STAC: variants seen among roughly 807,000 people sequenced by gnomAD.
STAC encodes SH3 and cysteine rich domain, also known as SH3 and cysteine-rich domain-containing protein.
A neutral mutation model predicts 48.8 loss-of-function variants in STAC; 43 were observed. That is an observed-to-expected ratio of 0.88 (90% CI 0.69 to 1.14). The LOEUF (loss-of-function observed/expected upper bound fraction) is 1.14. STAC is among the 50% of genes most tolerant of loss of function. The probability of loss-of-function intolerance (pLI) is 0.00; values close to 1 mark genes in which losing one functional copy is unlikely to be tolerated. For synonymous variants in STAC, 193 were observed against 179.5 expected, an observed-to-expected ratio of 1.07 and a Z score of -0.60; for missense variants, 497 against 504.0, an observed-to-expected ratio of 0.99 and a Z score of 0.13.
intron 5 of STAC, among the ~76,000 whole-genome samples, chr3:36,486,830 TATC>T (rs1336539522): frequency 1.3e-5 from 2 of 152,342 alleles, no homozygotes; most frequent in East Asian, 3.9e-4. Context: ...TGTGACCTGT[TATC>T]ATCATCTTGT....
chr3:36,453,908 T>C (rs1359138462), intron 2 of STAC, among the ~76,000 whole-genome samples: 2 of 152,196 alleles, frequency 1.3e-5, no homozygotes, highest in Non-Finnish European at 2.9e-5. Flanking sequence ...AATGCACCAA[T>C]TGACACTCTG....
intron 8 of STAC, among the ~76,000 whole-genome samples, chr3:36,509,054 C>T (rs1698472807): frequency 1.3e-5 from 2 of 152,116 alleles, no homozygotes; most frequent in African/African-American, 4.8e-5. Flanking sequence ...GTGGCTAGTA[C>T]CAGTTGTTCC....
Position 36,487,931 on chromosome 3 carries a change from T to C in STAC, c.687+1682T>C, listed in dbSNP as rs145099168. Among the ~76,000 whole-genome samples, 15 of 152,228 alleles carry C rather than the reference T, an allele frequency of 9.9e-5. No homozygotes were observed. The East Asian group carries it at 2.9e-3, about 29-fold the overall frequency. ...TCTTTTACTGAAAGAAGGATAAAAA[T>C]GGTGCTAAATGTGATGAAAATATAC... is the stretch of plus-strand genomic sequence containing the variant. On this transcript the variant is annotated intron_variant, in intron 5 of 10. Coordinates refer to ENST00000273183, the MANE Select transcript of STAC (RefSeq NM_003149.3).
intron 10 of STAC, among the ~76,000 whole-genome samples, chr3:36,543,404 C>T (rs1159400324): frequency 6.6e-6 from 1 of 152,196 alleles, no homozygotes; most frequent in African/African-American, 2.4e-5. Flanking sequence ...ATCTTCAAAA[C>T]TTCTCATCCG....
chr3:36,390,407 T>C (rs1053965444), intron 1 of STAC, among the ~76,000 whole-genome samples: 8 of 151,844 alleles, frequency 5.3e-5, no homozygotes, highest in Admixed American at 4.6e-4. Context: ...TTGTTTCAGA[T>C]GACTTTTTGG....
intron 6 of STAC, among the ~76,000 whole-genome samples, chr3:36,495,057 A>G (rs568875971): frequency 2.0e-5 from 3 of 152,246 alleles, no homozygotes; most frequent in East Asian, 1.9e-4. Context: ...CGCTGGAAAC[A>G]TTTGGTCCTT....
At chr3:36,422,756 A>G (rs1700477792) in intron 1 of STAC, among the ~76,000 whole-genome samples, 1 of 152,122 alleles carries the variant, frequency 6.6e-6, no homozygotes, top group South Asian at 2.1e-4. Flanking sequence ...TACCTATGTA[A>G]TCAGCAAATA....
intron 2 of STAC, among the ~76,000 whole-genome samples, chr3:36,450,501 T>A (rs553735867): frequency 6.6e-6 from 1 of 152,314 alleles, no homozygotes; most frequent in Admixed American, 6.5e-5. Flanking sequence ...AATAAGGATA[T>A]CTTCACTGTG....
intron 8 of STAC, among the ~76,000 whole-genome samples, chr3:36,520,058 C>T (rs543206750): frequency 4.7e-4 from 71 of 152,226 alleles, no homozygotes; most frequent in East Asian, 2.1e-3. Flanking sequence ...ATATGCCAGA[C>T]GGGACATCCA....
Position 36,380,725 on chromosome 3 carries a change from C to G in STAC, c.82C>G (p.Pro28Ala). 2 of 1,611,846 alleles carry G rather than the reference C, an allele frequency of 1.2e-6. No homozygotes were observed. Among genetic ancestry groups the G allele is most frequent in the Non-Finnish European group, 1.7e-6 (2 of 1,178,950 alleles). ...GGTGGGCGCCGAGCAACCGCCCTCTCCTGCATCCACCAGCAGCCAGGAATC... is the reference window on the plus strand; with the variant it reads ...GGTGGGCGCCGAGCAACCGCCCTCTGCTGCATCCACCAGCAGCCAGGAATC... ...EAVGAEQPPS[P>A]ASTSSQESKL... The change falls in exon 1 of 11, where the codon CCT (proline) becomes GCT (alanine). Residue 28 changes from proline (P) to alanine (A), a missense_variant. By Grantham distance (27) the Pro-to-Ala change is conservative (BLOSUM62 -1). Coordinates refer to ENST00000273183, the MANE Select transcript of STAC (RefSeq NM_003149.3).
intron 8 of STAC, among the ~76,000 whole-genome samples, chr3:36,513,786 C>CT (rs1470362733): frequency 6.6e-6 from 1 of 151,154 alleles, no homozygotes; most frequent in Non-Finnish European, 1.5e-5. Context: ...CCAGTCAGTT[C>CT]TTTTTTGTAT....
chr3:36,446,661 T>C lies in STAC; in HGVS notation c.388+3021T>C, dbSNP rs1266415743. Among the ~76,000 whole-genome samples the C allele has an allele frequency of 2.6e-5, 4 of 152,346 alleles. No homozygotes were observed. In the East Asian group the frequency reaches 7.7e-4, roughly 29 times the overall value. ...TCAACAAGTCAACATGTACTATTAATATAACTAACTCAATGCATGAGTCTA... is the reference window on the plus strand; with the variant it reads ...TCAACAAGTCAACATGTACTATTAACATAACTAACTCAATGCATGAGTCTA... On this transcript the variant is annotated intron_variant, in intron 2 of 10. Transcript: ENST00000273183.
chr3:36,413,486 A>G (rs1164911136), intron 1 of STAC, among the ~76,000 whole-genome samples: 15 of 152,318 alleles, frequency 9.8e-5, no homozygotes, highest in South Asian at 4.1e-4. Context: ...ATCAGAGACT[A>G]GGATTACAAC....
Position 36,417,198 on chromosome 3 carries a change from GAAGGGC to G in STAC, c.112-26165_112-26160del, listed in dbSNP as rs144576198. ...ACTTCCTAAAGCCATGTAGGAGAGG[GAAGGGC>G]CCTCCTTAAAACATGATACCCTGTG... On this transcript the variant is annotated intron_variant, in intron 1 of 10. Transcript: ENST00000273183. 2.1e-3 allele frequency among the ~76,000 whole-genome samples: 313 copies of G among 152,250 alleles called. 3 individuals carry two copies. Among genetic ancestry groups the G allele is most frequent in the African/African-American group, 6.9e-3 (286 of 41,510 alleles).
intron 2 of STAC, among the ~76,000 whole-genome samples, chr3:36,475,832 G>C (rs1013635364): frequency 5.8e-4 from 89 of 152,340 alleles, no homozygotes; most frequent in Middle Eastern, 3.4e-3. Context: ...CAGAGAGAGT[G>C]GCTCCCAGAA....
chr3:36,451,914 C>T (rs1696695074), intron 2 of STAC, among the ~76,000 whole-genome samples: 1 of 152,174 alleles, frequency 6.6e-6, no homozygotes, highest in Non-Finnish European at 1.5e-5. Context: ...ATGGATCCCA[C>T]TTGTTTAGCT....
At chr3:36,452,867 GTGGGGCCTCCTTCCATGAC>G (rs994791617) in intron 2 of STAC, among the ~76,000 whole-genome samples, 4 of 152,244 alleles carry the variant, frequency 2.6e-5, no homozygotes, top group African/African-American at 9.6e-5. Context: ...CCGAAGGCCT[GTGGGGCCTCCTTCCATGAC>G]TGACTCTTCA....
chr3:36,426,167 C>A (rs970975626), intron 1 of STAC, among the ~76,000 whole-genome samples: 1 of 152,254 alleles, frequency 6.6e-6, no homozygotes, highest in African/African-American at 2.4e-5. Context: ...AATTCTCCAA[C>A]ACCTGACAGC....
At chr3:36,489,277 C>T (rs1697902791) in intron 5 of STAC, among the ~76,000 whole-genome samples, 1 of 152,168 alleles carries the variant, frequency 6.6e-6, no homozygotes, top group South Asian at 2.1e-4. Flanking sequence ...ATAGTGAATA[C>T]TCAAGAAATG....
Sources: gnomAD v4.1 joint callset for allele counts (sites outside exome capture counted in the v4.1 genomes callset) on GRCh38, gnomAD v4.1.1 for gene constraint, MANE v1.5 for transcripts, NCBI Gene and HGNC (gene_info 2026-07-23, HGNC 2026-07-21) for gene names.